Variants in TOX3 observed in about 807,000 individuals in gnomAD.
The protein encoded by TOX3 is CAG trinucleotide repeat-containing gene F9 protein.
Under a neutral mutation model 64.3 loss-of-function variants are expected in TOX3, and 22 were observed. The observed-to-expected ratio is 0.34, with a 90% CI of 0.24 to 0.49. TOX3 has a LOEUF of 0.49. Among genes scored for constraint, TOX3 ranks in the 20% least tolerant of loss-of-function variants. The pLI, the probability that TOX3 is intolerant of heterozygous loss-of-function variation, is 0.99. For missense variants in TOX3, 661 were observed against 714.4 expected (o/e 0.93, Z 0.85); for synonymous variants, 291 against 273.6 (o/e 1.06, Z -0.63).
intron 3 of TOX3, among the ~76,000 whole-genome samples, chr16:52,453,345 A>G (rs1038448821): frequency 8.6e-5 from 13 of 151,920 alleles, no homozygotes; most frequent in African/African-American, 2.9e-4. Context: ...CACCATACCC[A>G]GCTAATTTTT....
chr16:52,446,271 G>T (rs755950727), intron 4 of TOX3, 50 bp from the exon 5 acceptor site: 2 of 1,558,956 alleles, frequency 1.3e-6, no homozygotes, highest in Non-Finnish European at 8.7e-7. Flanking sequence ...TGCAGAGAAT[G>T]CAACAAGACT....
intron 6 of TOX3, among the ~76,000 whole-genome samples, chr16:52,440,394 C>T (rs1274932114): frequency 6.6e-6 from 1 of 152,224 alleles, no homozygotes; most frequent in East Asian, 1.9e-4. Context: ...GCAAGACTAG[C>T]TGGTTCTACC....
rs901671707 is a variant in TOX3 at position 52,546,487 on chromosome 16, A to G, written c.87+150T>C. On this transcript the variant is annotated intron_variant, in intron 1 of 6. Transcript: ENST00000219746. ...ATGGGGCAGAAAGAGAAGCGGGGAG[A>G]GCTGGACAGAGACGAAGGCTCAAAG... The G allele has an allele frequency of 1.3e-4, 91 of 690,656 alleles. No individual in the cohort carries two copies. The East Asian group carries it at 3.0e-3, about 22-fold the overall frequency. The allele number at this position is 690,656 out of a possible 1,614,324, so 42.8% of individuals were successfully genotyped here.
intron 1 of TOX3, among the ~76,000 whole-genome samples, chr16:52,503,378 A>G (rs1162054587): frequency 1.3e-5 from 2 of 152,222 alleles, no homozygotes; most frequent in African/African-American, 2.4e-5. Context: ...CAAGGACCAC[A>G]CAAGTGAACA....
At chr16:52,532,956 G>T (rs866236957) in intron 1 of TOX3, among the ~76,000 whole-genome samples, 1 of 152,194 alleles carries the variant, frequency 6.6e-6, no homozygotes, top group African/African-American at 2.4e-5. Context: ...TGGTATTTTT[G>T]CATGAATGAT....
intron 1 of TOX3, among the ~76,000 whole-genome samples, chr16:52,531,136 G>A (rs1035586307): frequency 1.3e-5 from 2 of 152,152 alleles, no homozygotes; most frequent in Non-Finnish European, 2.9e-5. Flanking sequence ...TATTCGAAAA[G>A]TTATTAATGC....
intron 1 of TOX3, among the ~76,000 whole-genome samples, chr16:52,484,183 C>A (rs1204114692): frequency 1.3e-5 from 2 of 152,118 alleles, no homozygotes; most frequent in Non-Finnish European, 2.9e-5. Flanking sequence ...AGGGAAATTT[C>A]TTTAAACAAA....
At chr16:52,530,698 C>G (rs1211678889) in intron 1 of TOX3, among the ~76,000 whole-genome samples, 7 of 150,836 alleles carry the variant, frequency 4.6e-5, no homozygotes, top group Non-Finnish European at 8.9e-5. Flanking sequence ...TCTTTTTCCT[C>G]TCTACAACTG....
chr16:52,446,331 C>A (rs1960162035), intron 4 of TOX3, 110 bp from the exon 5 acceptor site: 2 of 1,115,446 alleles, frequency 1.8e-6, no homozygotes, highest in South Asian at 1.6e-5. Context: ...GCATCATCAA[C>A]AGATGAATCA....
rs768313654 is a variant in TOX3 at position 52,439,980 on chromosome 16, G to A, written c.988-12C>T. Reference sequence around the variant, plus strand: ...GACTCAGCAGCAGCCTGCATTTTGGGGGAGAAAATTCCAGACTGTTACAAC... The same window carrying A: ...GACTCAGCAGCAGCCTGCATTTTGGAGGAGAAAATTCCAGACTGTTACAAC... On this transcript the variant is annotated splice_polypyrimidine_tract_variant and intron_variant, in intron 6 of 6. Coordinates refer to ENST00000219746, the MANE Select transcript of TOX3 (RefSeq NM_001080430.4). 2 of 1,525,546 alleles carry A rather than the reference G, an allele frequency of 1.3e-6. No individual in the cohort carries two copies. The highest frequency in any genetic ancestry group is 1.3e-5 in the South Asian group (1 of 76,430). The allele number at this position is 1,525,546 out of a possible 1,614,324, so 94.5% of individuals were successfully genotyped here.
intron 6 of TOX3, among the ~76,000 whole-genome samples, chr16:52,440,916 A>C (rs1049750929): frequency 6.6e-6 from 1 of 151,364 alleles, no homozygotes; most frequent in African/African-American, 2.4e-5. Context: ...GCCCACCACC[A>C]CACCCAGCTA....
In TOX3 at chr16:52,541,488, A is replaced by G. The variant is rs542901940; in HGVS notation, c.87+5149T>C. The stretch of plus-strand genomic sequence containing the variant: ...TGAAGGACACCGAGCAGATGTTGCC[A>G]TACAAGGATATTGGTTCAGTGTTGC... On this transcript the variant is annotated intron_variant, in intron 1 of 6. Coordinates refer to ENST00000219746, the MANE Select transcript of TOX3 (RefSeq NM_001080430.4). 2.0e-5 allele frequency among the ~76,000 whole-genome samples: 3 copies of G among 152,352 alleles called. No individual in the cohort carries two copies. The South Asian group carries it at 6.2e-4, about 32-fold the overall frequency.
chr16:52,439,492 C>T lies in TOX3; in HGVS notation c.1464G>A (p.Gln488=). 1 of 1,412,088 alleles carries T rather than the reference C, an allele frequency of 7.1e-7. No homozygotes were observed. Among genetic ancestry groups the T allele is most frequent in the African/African-American group, 1.4e-5 (1 of 69,982 alleles). The allele number at this position is 1,412,088 out of a possible 1,614,324, so 87.5% of individuals were successfully genotyped here. A position where few individuals can be genotyped will look rare whatever the true frequency, so the allele number is the denominator to read the frequency against. ...GATGCTGCTGCTGCTGCTGCAGGTG[C>T]TGCTGCATGTGGTGCTGGAAATGCT... The part of the protein sequence containing the change: ...QQQHFQHHMQ[Q]HLQQQQQHLQ... The change falls in exon 7 of 7, where the codon CAG becomes CAA. Residue 488 remains glutamine (Q), a synonymous_variant. Transcript: ENST00000219746.
At chr16:52,512,825 A>G (rs1228146302) in intron 1 of TOX3, among the ~76,000 whole-genome samples, 3 of 152,304 alleles carry the variant, frequency 2.0e-5, no homozygotes, top group Non-Finnish European at 4.4e-5. Context: ...TATTAAAAAA[A>G]AAGAAGAAGA....
chr16:52,538,108 T>G (rs1318542791), intron 1 of TOX3, among the ~76,000 whole-genome samples: 1 of 152,144 alleles, frequency 6.6e-6, no homozygotes, highest in Admixed American at 6.5e-5. Context: ...TTAAACATTT[T>G]TATTAGAATT....
intron 1 of TOX3, among the ~76,000 whole-genome samples, chr16:52,513,187 G>A (rs1567344018): frequency 6.6e-6 from 1 of 152,236 alleles, no homozygotes; most frequent in Non-Finnish European, 1.5e-5. Context: ...GGCATAGGCT[G>A]TAGAAAAGGC....
At chr16:52,503,906 C>T (rs1168540616) in intron 1 of TOX3, among the ~76,000 whole-genome samples, 1 of 152,118 alleles carries the variant, frequency 6.6e-6, no homozygotes, top group African/African-American at 2.4e-5. Context: ...TAAATAAATA[C>T]ATCATTCCGA....
chr16:52,440,260 C>T (rs1959923869), intron 6 of TOX3, among the ~76,000 whole-genome samples: 3 of 152,120 alleles, frequency 2.0e-5, no homozygotes, highest in Admixed American at 2.0e-4. Flanking sequence ...CTGCCATGTG[C>T]ATGATGACAG....
chr16:52,515,060 C>G (rs560000388), intron 1 of TOX3, among the ~76,000 whole-genome samples: 1 of 139,308 alleles, frequency 7.2e-6, no homozygotes, highest in East Asian at 2.1e-4. Context: ...AATATAAGTC[C>G]CATGAAAACA....
Sources: gnomAD v4.1 joint callset for allele counts (sites outside exome capture counted in the v4.1 genomes callset) on GRCh38, gnomAD v4.1.1 for gene constraint, MANE v1.5 for transcripts, NCBI Gene and HGNC (gene_info 2026-07-23, HGNC 2026-07-21) for gene names.